The following RPS3 variants were observed in gnomAD, a reference collection of about 807,000 sequenced individuals.
RPS3 encodes the protein small ribosomal subunit protein uS3.
Under a neutral mutation model 25.8 loss-of-function variants are expected in RPS3, and 2 were observed. That is an observed-to-expected ratio of 0.08 (90% confidence interval 0.03 to 0.24). The LOEUF is 0.24. RPS3 is among the 10% of genes least tolerant of loss of function. RPS3 has a pLI of 1.00. For synonymous variants in RPS3, 114 were observed against 114.2 expected, an observed-to-expected ratio of 1.00 and a Z score of 0.01; for missense variants, 107 against 307.1, an observed-to-expected ratio of 0.35 and a Z score of 4.87.
chr11:75,407,104 T>A (rs983893854), downstream of RPS3, among the ~76,000 whole-genome samples: 1 of 152,222 alleles, frequency 6.6e-6, no homozygotes, highest in African/African-American at 2.4e-5. Flanking sequence ...CTCCCTCACC[T>A]TTTTGAAAGA....
Position 75,402,619 on chromosome 11 carries a change from AC to A in RPS3, c.350+174del, listed in dbSNP as rs1209509226. ...ACTGAACTGGCAGGCTAACAAGACT[AC>A]TAAAGCAGCAAGAACTGTAAAGGGT... On this transcript the variant is annotated intron_variant, in intron 4 of 6. Coordinates refer to ENST00000531188, the MANE Select transcript of RPS3 (RefSeq NM_001005.5). 8.3e-6 allele frequency: 5 copies of A among 598,982 alleles called. No homozygotes were observed. The African/African-American group carries it at 9.3e-5, about 11-fold the overall frequency. 37.1% of individuals were successfully genotyped at this position (598,982 alleles called of 1,614,324 possible).
At chr11:75,410,564 G>A (rs1185238377), downstream of RPS3, among the ~76,000 whole-genome samples, 9 of 152,066 alleles carry the variant, frequency 5.9e-5, no homozygotes, top group Non-Finnish European at 1.0e-4. Flanking sequence ...AGGCAGAGAC[G>A]CTCCTCACTT....
In RPS3 at chr11:75,402,629, C is replaced by T. The variant is rs1012592236; in HGVS notation, c.350+183C>T. 1.4e-5 allele frequency: 8 copies of T among 554,862 alleles called. No individual in the cohort carries two copies. In the Admixed American group the frequency reaches 2.6e-4, roughly 18 times the overall value. The allele number at this position is 554,862 out of a possible 1,614,324, so 34.4% of individuals were successfully genotyped here. ...CAGGCTAACAAGACTACTAAAGCAG[C>T]AAGAACTGTAAAGGGTGGTCAGTCC... On this transcript the variant is annotated intron_variant, in intron 4 of 6. Coordinates refer to ENST00000531188, the MANE Select transcript of RPS3 (RefSeq NM_001005.5).
Position 75,402,167 on chromosome 11 carries a change from C to T in RPS3, c.256-185C>T, listed in dbSNP as rs17884709. The T allele has an allele frequency of 7.7e-4, 625 of 812,822 alleles. 16 individuals are homozygous for T. The South Asian group carries it at 0.01, about 14-fold the overall frequency. 50.4% of individuals were successfully genotyped at this position (812,822 alleles called of 1,614,324 possible). ...TCTTGGGCCACACTACTACTGGTAG[C>T]GCAAAAAATCACGATGTTGAATTTG... On this transcript the variant is annotated intron_variant, in intron 3 of 6. Transcript: ENST00000531188.
intron 6 of RPS3, among the ~76,000 whole-genome samples, chr11:75,420,203 G>A (rs1283949635): frequency 1.3e-5 from 2 of 152,168 alleles, no homozygotes; most frequent in African/African-American, 4.8e-5. Context: ...AGTGGATTAG[G>A]AGCCAGGGAG....
chr11:75,416,819 A>G (rs992634029), intron 6 of RPS3, among the ~76,000 whole-genome samples: 1 of 152,258 alleles, frequency 6.6e-6, no homozygotes, highest in South Asian at 2.1e-4. Context: ...GCCTGCCAGC[A>G]TCAGAGCTGG....
At chr11:75,419,403 A>C (rs1948425713) in intron 6 of RPS3, among the ~76,000 whole-genome samples, 1 of 151,770 alleles carries the variant, frequency 6.6e-6, no homozygotes, top group Non-Finnish European at 1.5e-5. Context: ...AAAATACAAA[A>C]ATTAGCTGGG....
chr11:75,419,141 A>T lies in RPS3; in HGVS notation c.*4-2586A>T, dbSNP rs114536262. ...TTACCCTCAGCATACCAGGAAAAATAGTCATCCTGATTCACTGTTTGGTCC... is the reference window on the plus strand; with the variant it reads ...TTACCCTCAGCATACCAGGAAAAATTGTCATCCTGATTCACTGTTTGGTCC... On this transcript the variant is annotated intron_variant, in intron 6 of 6. Transcript: ENST00000527446. Among the ~76,000 whole-genome samples, 468 of 152,344 alleles carry T rather than the reference A, an allele frequency of 3.1e-3. 4 individuals are homozygous for T. The highest frequency in any genetic ancestry group is 0.011 in the African/African-American group (456 of 41,568).
downstream of RPS3, among the ~76,000 whole-genome samples, chr11:75,409,106 C>T (rs1162107035): frequency 3.9e-5 from 6 of 152,186 alleles, no homozygotes; most frequent in African/African-American, 7.2e-5. Flanking sequence ...TTCAACCTCC[C>T]GGGTAGCTGG....
intron 4 of RPS3, 23 bp from the exon 5 acceptor site, chr11:75,403,997 G>A (rs1245403232): frequency 6.2e-7 from 1 of 1,603,678 alleles, no homozygotes. Context: ...ATAACACAGT[G>A]GCTCTCTTCT....
Position 75,415,908 on chromosome 11 carries a change from G to A in RPS3, c.*4-5819G>A, listed in dbSNP as rs11821092. 4.7e-3 allele frequency among the ~76,000 whole-genome samples: 706 copies of A among 148,646 alleles called. 5 individuals are homozygous for A. The highest frequency in any genetic ancestry group is 0.017 in the African/African-American group (664 of 40,198). ...TGAGAATTGCTTGAACCCAGAAGGC[G>A]GAGGTTGCAGTGAGCCGCGATCGTG... On this transcript the variant is annotated intron_variant, in intron 6 of 6. Transcript: ENST00000527446.
chr11:75,412,034 A>G (rs969409681), intron 6 of RPS3, among the ~76,000 whole-genome samples: 7 of 152,190 alleles, frequency 4.6e-5, no homozygotes, highest in Non-Finnish European at 8.8e-5. Context: ...CAGGACTGCA[A>G]AAGACTTCCA....
rs143082680 is a variant in RPS3, at chr11:75,402,420, A to G, written c.324A>G (p.Lys108=). 14 of 1,612,332 alleles carry G rather than the reference A, an allele frequency of 8.7e-6. No homozygotes were observed. In the African/African-American group the frequency reaches 1.9e-4, roughly 22 times the overall value. Residue 108 remains lysine (K), a synonymous_variant, in exon 4 of 7, where the codon AAA becomes AAG. Coordinates refer to ENST00000531188, the MANE Select transcript of RPS3 (RefSeq NM_001005.5). ...AIAQAESLRY[K]LLGGLAVRRA... ...CCCAGGCAGAGTCTCTGCGTTACAA[A>G]CTCCTAGGAGGGCTTGCTGTGCGGA...
intron 4 of RPS3, 113 bp downstream of exon 4, chr11:75,402,559 C>A: frequency 8.8e-7 from 1 of 1,131,028 alleles, no homozygotes; most frequent in Non-Finnish European, 1.3e-6. Flanking sequence ...CTGCTAGTCT[C>A]CCAGGGTTAT....
At chr11:75,405,045 G>A in intron 6 of RPS3, 177 bp downstream of exon 6, 1 of 479,008 alleles carries the variant, frequency 2.1e-6, no homozygotes, top group Non-Finnish European at 3.7e-6. Context: ...GGTTCCAATG[G>A]GACAGGTGTT....
chr11:75,418,703 A>G (rs1948421149), intron 6 of RPS3, among the ~76,000 whole-genome samples: 1 of 152,310 alleles, frequency 6.6e-6, no homozygotes, highest in Admixed American at 6.5e-5. Flanking sequence ...GACTTATGTG[A>G]TCCCAAACCC....
downstream of RPS3, among the ~76,000 whole-genome samples, chr11:75,408,714 T>A (rs954389749): frequency 6.6e-6 from 1 of 151,950 alleles, no homozygotes; most frequent in Non-Finnish European, 1.5e-5. Flanking sequence ...CCTGGCCAAT[T>A]TTTGTATTTT....
intron 4 of RPS3, 25 bp from the exon 5 acceptor site, chr11:75,403,995 G>A (rs1273221290): frequency 1.2e-6 from 2 of 1,601,492 alleles, no homozygotes; most frequent in Non-Finnish European, 1.7e-6. Context: ...CAATAACACA[G>A]TGGCTCTCTT....
chr11:75,400,579 G>C, intron 1 of RPS3, 115 bp from the exon 2 acceptor site: 1 of 1,453,234 alleles, frequency 6.9e-7, no homozygotes, highest in Non-Finnish European at 9.5e-7. Flanking sequence ...GGAACCATTG[G>C]TTGGAGGTAT....
Sources: gnomAD v4.1 joint callset for allele counts (sites outside exome capture counted in the v4.1 genomes callset) on GRCh38, gnomAD v4.1.1 for gene constraint, MANE v1.5 for transcripts, NCBI Gene and HGNC (gene_info 2026-07-23, HGNC 2026-07-21) for gene names.